The following EYA3 variants were observed in gnomAD, a reference collection of about 807,000 sequenced individuals.
EYA3 encodes EYA transcriptional coactivator and phosphatase 3, also known as protein phosphatase EYA3.
EYA3 carries 39 observed loss-of-function variants against 80.0 expected under a neutral mutation model. That is an observed-to-expected ratio of 0.49 (90% confidence interval 0.38 to 0.64). The LOEUF is 0.64. EYA3 is among the 30% of genes least tolerant of loss of function. The pLI is 0.00. For synonymous variants in EYA3, 206 were observed against 232.8 expected, an observed-to-expected ratio of 0.88 and a Z score of 1.05; for missense variants, 523 against 676.1, an observed-to-expected ratio of 0.77 and a Z score of 2.51.
chr1:28,076,431 C>T (rs1645202441), intron 1 of EYA3, among the ~76,000 whole-genome samples: 1 of 151,974 alleles, frequency 6.6e-6, no homozygotes, highest in Non-Finnish European at 1.5e-5. Flanking sequence ...AGAATCTCGG[C>T]CAGGCGTGGT....
At chr1:28,021,310 C>T (rs1642419764) in intron 7 of EYA3, among the ~76,000 whole-genome samples, 1 of 152,182 alleles carries the variant, frequency 6.6e-6, no homozygotes, top group Non-Finnish European at 1.5e-5. Context: ...CAGCATGACT[C>T]ACTTCCTCAA....
intron 12 of EYA3, chr1:27,998,283 C>T (rs2148750127): frequency 1.0e-6 from 1 of 984,560 alleles, no homozygotes; most frequent in Non-Finnish European, 1.2e-6. Flanking sequence ...GAAGCACTGA[C>T]CTGGGGGGCA....
intron 2 of EYA3, among the ~76,000 whole-genome samples, chr1:28,050,671 C>T (rs1014675232): frequency 6.6e-5 from 10 of 152,000 alleles, no homozygotes; most frequent in African/African-American, 1.9e-4. Context: ...AAGGGTGTTA[C>T]AATGTTTTTT....
intron 1 of EYA3, among the ~76,000 whole-genome samples, chr1:28,077,904 A>C (rs547882626): frequency 2.0e-5 from 3 of 152,288 alleles, no homozygotes; most frequent in Non-Finnish European, 2.9e-5. Flanking sequence ...ATATCAGCTT[A>C]TCAGTGTTTG....
chr1:28,006,036 C>A (rs761048566), intron 10 of EYA3, among the ~76,000 whole-genome samples: 18 of 150,812 alleles, frequency 1.2e-4, no homozygotes, highest in Non-Finnish European at 1.9e-4. Flanking sequence ...ACCCAGGAGG[C>A]AGAGGTTGCA....
intron 1 of EYA3, among the ~76,000 whole-genome samples, chr1:28,086,799 C>A (rs1030934384): frequency 6.6e-6 from 1 of 152,064 alleles, no homozygotes; most frequent in African/African-American, 2.4e-5. Context: ...GGAGGAGGTA[C>A]ACATAAGAAA....
chr1:28,017,059 TG>T, intron 8 of EYA3, 94 bp downstream of exon 8: 2 of 1,062,706 alleles, frequency 1.9e-6, no homozygotes, highest in Non-Finnish European at 2.9e-6. Flanking sequence ...ATACTATTCC[TG>T]GTTGTTTCTT....
chr1:27,998,466 G>A (rs188626699), intron 12 of EYA3: 1 of 237,832 alleles, frequency 4.2e-6, no homozygotes, highest in African/African-American at 2.3e-5. Flanking sequence ...ATGAAGTTGA[G>A]GGAAGATTAA....
In EYA3 at chr1:27,989,327, A is replaced by C. The variant is rs12759760; in HGVS notation, c.1418+370T>G. On this transcript the variant is annotated intron_variant, in intron 15 of 17. Transcript: ENST00000373871. The stretch of plus-strand genomic sequence containing the variant: ...TTTTCTTTTGAATCTTGCCTTCTTT[A>C]GTGGGTTTGGATACATTTCTTGGAG... Among the ~76,000 whole-genome samples, 89 of 152,090 alleles carry C rather than the reference A, an allele frequency of 5.9e-4. 2 individuals are homozygous for C. The highest frequency in any genetic ancestry group is 3.4e-3 in the Middle Eastern group (1 of 292).
At chr1:28,030,001 C>T (rs953185141) in intron 6 of EYA3, among the ~76,000 whole-genome samples, 3 of 152,150 alleles carry the variant, frequency 2.0e-5, no homozygotes, top group African/African-American at 4.8e-5. Flanking sequence ...ATCAACCAAA[C>T]ACATTCCATG....
intron 2 of EYA3, among the ~76,000 whole-genome samples, chr1:28,051,277 A>C (rs1644238982): frequency 6.6e-6 from 1 of 152,220 alleles, no homozygotes; most frequent in Non-Finnish European, 1.5e-5. Context: ...AAGTTCAGCA[A>C]GGCAGCAAAA....
At chr1:28,051,843 A>G (rs971752907) in intron 2 of EYA3, among the ~76,000 whole-genome samples, 6 of 152,140 alleles carry the variant, frequency 3.9e-5, no homozygotes, top group African/African-American at 1.2e-4. Context: ...ATACTCCCCA[A>G]ATTGGTCTAC....
At chr1:28,046,330 C>T (rs1644004816) in intron 3 of EYA3, among the ~76,000 whole-genome samples, 1 of 152,138 alleles carries the variant, frequency 6.6e-6, no homozygotes, top group South Asian at 2.1e-4. Flanking sequence ...GTGATGGGTT[C>T]TTTCAAACAA....
intron 1 of EYA3, among the ~76,000 whole-genome samples, chr1:28,066,028 G>T (rs914847314): frequency 2.0e-5 from 3 of 151,688 alleles, no homozygotes; most frequent in African/African-American, 7.3e-5. Context: ...ACAAAAAAGA[G>T]TTACTCGAAC....
Position 27,971,089 on chromosome 1 carries a change from C to T in EYA3, c.*3377G>A, listed in dbSNP as rs1638708176. On this transcript the variant is annotated 3_prime_UTR_variant, in exon 18 of 18. Transcript: ENST00000373871. ...GAAGACAGGAACGCCGCAAATCAAA[C>T]AAAAGCCCAGATGGGCATCTAAATC... 1 of 152,246 alleles carries T rather than the reference C, an allele frequency of 6.6e-6. No individual in the cohort carries two copies. The highest frequency in any genetic ancestry group is 1.5e-5 in the Non-Finnish European group (1 of 68,052). The allele number at this position is 152,246 out of a possible 1,614,324, so 9.4% of individuals were successfully genotyped here.
chr1:28,057,712 T>G (rs1005930698), intron 2 of EYA3, among the ~76,000 whole-genome samples: 2 of 152,124 alleles, frequency 1.3e-5, no homozygotes, highest in African/African-American at 4.8e-5. Context: ...TACTGTCAGA[T>G]CAGTAAAGAG....
chr1:28,042,392 C>G (rs912315226), intron 4 of EYA3, among the ~76,000 whole-genome samples, 179 bp downstream of exon 4: 8 of 152,162 alleles, frequency 5.3e-5, no homozygotes, highest in African/African-American at 1.7e-4. Context: ...CTTTTCTCAG[C>G]TGGTCTGTCA....
chr1:28,051,200 TG>T (rs1262662293), intron 2 of EYA3, among the ~76,000 whole-genome samples: 1 of 152,164 alleles, frequency 6.6e-6, no homozygotes, highest in African/African-American at 2.4e-5. Context: ...AATCTCTTTT[TG>T]CATGACATAA....
At chr1:27,978,716 C>G (rs1639107890) in intron 16 of EYA3, among the ~76,000 whole-genome samples, 1 of 152,190 alleles carries the variant, frequency 6.6e-6, no homozygotes, top group Non-Finnish European at 1.5e-5. Flanking sequence ...GTAATCCCAG[C>G]ACTTTGGGAG....
Sources: gnomAD v4.1 joint callset for allele counts (sites outside exome capture counted in the v4.1 genomes callset) on GRCh38, gnomAD v4.1.1 for gene constraint, MANE v1.5 for transcripts, NCBI Gene and HGNC (gene_info 2026-07-23, HGNC 2026-07-21) for gene names.